Variants in LRRC3C observed in about 807,000 individuals in gnomAD.
The protein encoded by LRRC3C is leucine-rich repeat-containing protein 3C.
A neutral mutation model predicts 14.8 loss-of-function variants in LRRC3C; 11 were observed. The ratio of observed to expected loss-of-function variants is 0.74; its 90% confidence interval spans 0.47 to 1.23. The LOEUF (loss-of-function observed/expected upper bound fraction) is 1.23, where lower values mean the gene tolerates loss of function less well. Among genes scored for constraint, LRRC3C ranks in the 50% most tolerant of loss-of-function variants. The probability of loss-of-function intolerance (pLI) is 0.00; values close to 1 mark genes in which losing one functional copy is unlikely to be tolerated. For synonymous variants in LRRC3C, 149 were observed against 161.5 expected, an observed-to-expected ratio of 0.92 and a Z score of 0.59; for missense variants, 354 against 361.8, an observed-to-expected ratio of 0.98 and a Z score of 0.18.
In LRRC3C at chr17:39,935,566, C is replaced by T. The variant is rs114576315; in HGVS notation, c.-174-236C>T. Among the ~76,000 whole-genome samples the T allele has an allele frequency of 5.0e-3, 753 of 151,892 alleles. 9 individuals are homozygous for T. Among genetic ancestry groups the T allele is most frequent in the African/African-American group, 0.018 (730 of 41,440 alleles). On this transcript the variant is annotated intron_variant, in intron 1 of 3. Transcript: ENST00000377924. Reference sequence around the variant, plus strand: ...TACTTGGGAGGGTGAGGTGGGAAGACGGCTTGAACCCAGGAGGTTGAGGCT... The same window carrying T: ...TACTTGGGAGGGTGAGGTGGGAAGATGGCTTGAACCCAGGAGGTTGAGGCT...
Position 39,935,783 on chromosome 17 carries a change from C to G in LRRC3C, c.-174-19C>G. ...GGCAGCATGAAGTGTATGTATACACCCCTTGCTCTTTTCTACAGGGAACAA... is the reference window on the plus strand; with the variant it reads ...GGCAGCATGAAGTGTATGTATACACGCCTTGCTCTTTTCTACAGGGAACAA... On this transcript the variant is annotated intron_variant, in intron 1 of 3. Coordinates refer to ENST00000377924, the MANE Select transcript of LRRC3C (RefSeq NM_001195545.2). The G allele has an allele frequency of 1.0e-6, 1 of 971,904 alleles. No individual in the cohort carries two copies. The highest frequency in any genetic ancestry group is 4.8e-5 in the South Asian group (1 of 21,002). The allele number at this position is 971,904 out of a possible 1,614,324, so 60.2% of individuals were successfully genotyped here.
At chr17:39,929,411 C>T (rs1034949672) in intron 1 of LRRC3C, 5 of 152,148 alleles carry the variant, frequency 3.3e-5, no homozygotes, top group Non-Finnish European at 7.3e-5. Flanking sequence ...TTCTGACTCA[C>T]TCTAGGTTTG....
At chr17:39,929,025 G>A (rs1015273735) in intron 1 of LRRC3C, 1 of 152,252 alleles carries the variant, frequency 6.6e-6, no homozygotes, top group African/African-American at 2.4e-5. Flanking sequence ...TCCTGTGGAA[G>A]TTTCTCCTGG....
At chr17:39,943,443 T>C (rs1291474462) in intron 3 of LRRC3C, among the ~76,000 whole-genome samples, 3 of 152,314 alleles carry the variant, frequency 2.0e-5, no homozygotes, top group Non-Finnish European at 2.9e-5. Context: ...AGGTCTATTT[T>C]ACCTAGTCAC....
At chr17:39,941,287 G>A (rs975396887) in intron 2 of LRRC3C, among the ~76,000 whole-genome samples, 156 bp from the exon 3 acceptor site, 14 of 150,930 alleles carry the variant, frequency 9.3e-5, no homozygotes, top group African/African-American at 3.4e-4. Context: ...GGAGGCAGAG[G>A]TTGCAGTGAG....
intron 2 of LRRC3C, chr17:39,939,726 A>C (rs966830048): frequency 1.3e-5 from 2 of 152,248 alleles, no homozygotes; most frequent in African/African-American, 2.4e-5. Flanking sequence ...TGCAGCCCCT[A>C]GTGGGCAGTG....
intron 2 of LRRC3C, among the ~76,000 whole-genome samples, chr17:39,940,612 CA>C (rs1437859768): frequency 1.0e-4 from 9 of 90,132 alleles, no homozygotes; most frequent in Admixed American, 4.8e-4. Flanking sequence ...TGCATTTGGA[CA>C]ATTTTTTTTT....
At chr17:39,931,989 A>G (rs960838174) in intron 1 of LRRC3C, among the ~76,000 whole-genome samples, 1 of 152,096 alleles carries the variant, frequency 6.6e-6, no homozygotes, top group Non-Finnish European at 1.5e-5. Flanking sequence ...ACTGTTCATA[A>G]TAAAAAGTCT....
At chr17:39,932,064 G>A (rs1598291628) in intron 1 of LRRC3C, among the ~76,000 whole-genome samples, 1 of 152,236 alleles carries the variant, frequency 6.6e-6, no homozygotes, top group East Asian at 1.9e-4. Flanking sequence ...ACATCCTCTG[G>A]CACCAGACTG....
In LRRC3C at chr17:39,944,544, G is replaced by C. The variant is rs1249915202; in HGVS notation, c.638G>C (p.Gly213Ala). Residue 213 changes from glycine (G) to alanine (A), a missense_variant, in exon 4 of 4, where the codon GGG becomes GCG. Gly to Ala is a moderately conservative substitution (Grantham distance 60). Coordinates refer to ENST00000377924, the MANE Select transcript of LRRC3C (RefSeq NM_001195545.2). ...LAGEEELCGSGWGGARRSTDV... is the reference protein window; with the variant it reads ...LAGEEELCGSAWGGARRSTDV... The stretch of plus-strand genomic sequence containing the variant: ...GGGGAGGAAGAGCTGTGTGGGTCGG[G>C]GTGGGGTGGGGCCCGGAGGAGCACC... 6.6e-7 allele frequency: 1 copy of C among 1,516,996 alleles called. No homozygotes were observed. Among genetic ancestry groups the C allele is most frequent in the East Asian group, 2.5e-5 (1 of 40,792 alleles). 94.0% of individuals were successfully genotyped at this position (1,516,996 alleles called of 1,614,324 possible). A position where few individuals can be genotyped will look rare whatever the true frequency, so the allele number is the denominator to read the frequency against.
At chr17:39,936,785 C>T (rs761008292) in intron 2 of LRRC3C, among the ~76,000 whole-genome samples, 4 of 151,688 alleles carry the variant, frequency 2.6e-5, no homozygotes, top group Non-Finnish European at 5.9e-5. Context: ...CCACTGCACT[C>T]CAGGCTGGGA....
At chr17:39,939,609 T>C (rs1433274300) in intron 2 of LRRC3C, 1 of 156,724 alleles carries the variant, frequency 6.4e-6, no homozygotes, top group African/African-American at 2.4e-5. Flanking sequence ...CCCAGCACCT[T>C]AAGAACCCTG....
Position 39,944,547 on chromosome 17 carries a change from G to C in LRRC3C, c.641G>C (p.Trp214Ser). ...AGEEELCGSGWGGARRSTDVA... is the reference protein window; with the variant it reads ...AGEEELCGSGSGGARRSTDVA... ...GAGGAAGAGCTGTGTGGGTCGGGGT[G>C]GGGTGGGGCCCGGAGGAGCACCGAT... is the stretch of plus-strand genomic sequence containing the variant. The change falls in exon 4 of 4, where the codon TGG becomes TCG. Residue 214 changes from tryptophan to serine, a missense_variant. Transcript: ENST00000377924. 1 of 1,518,632 alleles carries C rather than the reference G, an allele frequency of 6.6e-7. No homozygotes were observed. Among genetic ancestry groups the C allele is most frequent in the East Asian group, 2.5e-5 (1 of 40,798 alleles). The allele number at this position is 1,518,632 out of a possible 1,614,324, so 94.1% of individuals were successfully genotyped here.
intron 1 of LRRC3C, among the ~76,000 whole-genome samples, chr17:39,933,934 A>T (rs1978727514): frequency 6.6e-6 from 1 of 152,144 alleles, no homozygotes; most frequent in South Asian, 2.1e-4. Flanking sequence ...GGTGGGGGAT[A>T]CCCCAGGCAT....
chr17:39,936,409 T>C (rs1978796724), intron 2 of LRRC3C, among the ~76,000 whole-genome samples: 1 of 152,158 alleles, frequency 6.6e-6, no homozygotes, highest in African/African-American at 2.4e-5. Context: ...CAGGTCTTTA[T>C]CATCTCACAC....
chr17:39,938,775 C>T (rs943207946), intron 2 of LRRC3C, among the ~76,000 whole-genome samples: 1 of 152,090 alleles, frequency 6.6e-6, no homozygotes, highest in Non-Finnish European at 1.5e-5. Context: ...CACCTGAGGT[C>T]AGGCGTTCAA....
chr17:39,936,530 C>T (rs564515394), intron 2 of LRRC3C, among the ~76,000 whole-genome samples: 10 of 151,962 alleles, frequency 6.6e-5, no homozygotes, highest in South Asian at 2.1e-4. Flanking sequence ...CGACCAGATG[C>T]GGTGGCTCAC....
At chr17:39,938,219 T>C (rs1025560520) in intron 2 of LRRC3C, among the ~76,000 whole-genome samples, 5 of 152,204 alleles carry the variant, frequency 3.3e-5, no homozygotes, top group African/African-American at 1.2e-4. Flanking sequence ...TATATACCAG[T>C]GTGCAGCCAA....
At chr17:39,935,306 G>A (rs756369708) in intron 1 of LRRC3C, among the ~76,000 whole-genome samples, 1 of 151,764 alleles carries the variant, frequency 6.6e-6, no homozygotes, top group Non-Finnish European at 1.5e-5. Flanking sequence ...TCACCTTCTC[G>A]GTGCAGCCTT....
Sources: gnomAD v4.1 joint callset for allele counts (sites outside exome capture counted in the v4.1 genomes callset) on GRCh38, gnomAD v4.1.1 for gene constraint, MANE v1.5 for transcripts, NCBI Gene and HGNC (gene_info 2026-07-23, HGNC 2026-07-21) for gene names.